Variants in ENO2 observed in about 807,000 individuals in gnomAD.
ENO2 encodes the protein enolase 2, also known as gamma-enolase.
ENO2 carries 19 observed loss-of-function variants against 48.7 expected under a neutral mutation model. That is an observed-to-expected ratio of 0.39 (90% CI 0.27 to 0.57). ENO2 has a LOEUF of 0.57. Ranked by LOEUF, ENO2 falls within the 20% of genes least tolerant of loss-of-function variation. The pLI, the probability that ENO2 is intolerant of heterozygous loss-of-function variation, is 0.58. For missense variants in ENO2, 416 were observed against 555.0 expected (o/e 0.75, Z 2.52); for synonymous variants, 198 against 213.4 (o/e 0.93, Z 0.63).
chr12:6,917,509 CTACA>C (rs1945302238), intron 5 of ENO2, 68 bp from the exon 6 acceptor site: 1 of 1,559,274 alleles, frequency 6.4e-7, no homozygotes, highest in Admixed American at 1.8e-5. Context: ...CTTTTGGAGA[CTACA>C]GATGGAGGCA....
rs1945357066 is a variant in ENO2, at chr12:6,923,097, G to T, written c.*297G>T. 4 of 370,346 alleles carry T rather than the reference G, an allele frequency of 1.1e-5. No individual in the cohort carries two copies. The highest frequency in any genetic ancestry group is 1.6e-5 in the Non-Finnish European group (3 of 193,232). The allele number at this position is 370,346 out of a possible 1,614,324, so 22.9% of individuals were successfully genotyped here. A position where few individuals can be genotyped will look rare whatever the true frequency, so the allele number is the denominator to read the frequency against. On this transcript the variant is annotated 3_prime_UTR_variant, in exon 12 of 12. Transcript: ENST00000229277. ...TTATTATAAAAGGGGGTCCGTGGAA[G>T]AATGATCAGCATCTGTGATGGGAGC...
chr12:6,917,369 G>T, intron 5 of ENO2: 1 of 722,894 alleles, frequency 1.4e-6, no homozygotes, highest in African/African-American at 1.8e-5. Context: ...TTAGAAAGAG[G>T]TGTGGCTCTC....
intron 9 of ENO2, 91 bp downstream of exon 9, chr12:6,921,873 A>C (rs1945344366): frequency 6.4e-7 from 1 of 1,553,184 alleles, no homozygotes; most frequent in Admixed American, 1.9e-5. Context: ...CAGGGGTGCC[A>C]AAGAGAGCGG....
chr12:6,918,523 T>G (rs1445298501), intron 7 of ENO2, among the ~76,000 whole-genome samples: 6 of 151,480 alleles, frequency 4.0e-5, no homozygotes, highest in South Asian at 2.1e-4. Flanking sequence ...GCTAATTTTT[T>G]GTATTTTTTA....
In ENO2 at chr12:6,918,976, C is replaced by T. The variant is rs375540330; in HGVS notation, c.668-590C>T. Among the ~76,000 whole-genome samples, 647 of 125,330 alleles carry T rather than the reference C, an allele frequency of 5.2e-3. 3 individuals are homozygous for T. Among genetic ancestry groups the T allele is most frequent in the African/African-American group, 0.021 (583 of 27,282 alleles). 82.2% of individuals were successfully genotyped at this position (125,330 alleles called of 152,430 possible). A position where few individuals can be genotyped will look rare whatever the true frequency, so the allele number is the denominator to read the frequency against. ...CAGCCTGGGCAACAGAGCGAGACTC[C>T]GTCTCAAAAAAAAAAAAAAAAAAAA... On this transcript the variant is annotated intron_variant, in intron 7 of 11. Coordinates refer to ENST00000229277, the MANE Select transcript of ENO2 (RefSeq NM_001975.3).
intron 1 of ENO2, 132 bp from the exon 2 acceptor site, chr12:6,915,689 T>TC: frequency 8.3e-6 from 4 of 481,024 alleles, no homozygotes; most frequent in East Asian, 3.9e-5. Flanking sequence ...AGCCAGCGCC[T>TC]CCCTACCCAC....
Position 6,916,998 on chromosome 12 carries a change from C to T in ENO2, c.241-40C>T. On this transcript the variant is annotated intron_variant, in intron 4 of 11. Coordinates refer to ENST00000229277, the MANE Select transcript of ENO2 (RefSeq NM_001975.3). The surrounding 1 kb of genome is among the most constrained non-coding windows in gnomAD (Gnocchi z 4.5). ...GGGGACCCTCTGCCTTAGGGCTCAG[C>T]CTCCAGCCTGGCCCTGGGTGATGGA... 1 of 1,612,914 alleles carries T rather than the reference C, an allele frequency of 6.2e-7. No homozygotes were observed. Among genetic ancestry groups the T allele is most frequent in the Non-Finnish European group, 8.5e-7 (1 of 1,179,266 alleles).
At position 6,916,672 on chromosome 12, in the gene ENO2, T is replaced by C. The variant is rs782364280; in HGVS notation, c.183T>C (p.Gly61=). The C allele has an allele frequency of 6.2e-7, 1 of 1,614,008 alleles. No individual in the cohort carries two copies. Among genetic ancestry groups the C allele is most frequent in the Non-Finnish European group, 8.5e-7 (1 of 1,180,018 alleles). ...AGTCCAGCCTCTTCCTTTCCCCAGG[T>C]GTCCTGAAGGCAGTGGACCACATCA... The part of the protein sequence containing the change: ...DGDKQRYLGK[G]VLKAVDHINS... The change falls in exon 4 of 12, where the codon GGT becomes GGC. Residue 61 remains glycine, a splice_region_variant and synonymous_variant. Transcript: ENST00000229277. The surrounding 1 kb of genome is among the most constrained non-coding windows in gnomAD (Gnocchi z 4.5).
At chr12:6,917,155 G>A (rs184095556) in intron 5 of ENO2, 48 bp downstream of exon 5, 35 of 1,609,096 alleles carry the variant, frequency 2.2e-5, no homozygotes, top group South Asian at 1.9e-4. Context: ...GTGGGGAGGC[G>A]TGGAGCAGAT....
intron 8 of ENO2, 104 bp downstream of exon 8, chr12:6,919,867 C>T: frequency 7.9e-7 from 1 of 1,264,398 alleles, no homozygotes; most frequent in Non-Finnish European, 1.1e-6. Context: ...GTGGGGGTGT[C>T]CTAAGAAGAA....
Position 6,922,835 on chromosome 12 carries a change from CT to C in ENO2, c.*36del, listed in dbSNP as rs1945353830. 2.5e-6 allele frequency: 4 copies of C among 1,609,724 alleles called. No individual in the cohort carries two copies. The highest frequency in any genetic ancestry group is 3.4e-6 in the Non-Finnish European group (4 of 1,176,308). On this transcript the variant is annotated 3_prime_UTR_variant, in exon 12 of 12. Coordinates refer to ENST00000229277, the MANE Select transcript of ENO2 (RefSeq NM_001975.3). This position sits in a 1 kb window ranked among gnomAD's most constrained non-coding sequence, Gnocchi z 5.3. The stretch of plus-strand genomic sequence containing the variant: ...TTGCCTGGAGACGTGGAACCTCTGT[CT>C]CATCCTCCTGGAACCTTGCTGTCCT...
chr12:6,922,820 A>ACGTGGAACCTCTGTCTCATCCT lies in ENO2; in HGVS notation c.*22_*43dup, dbSNP rs1555142266. 2 of 1,613,274 alleles carry ACGTGGAACCTCTGTCTCATCCT rather than the reference A, an allele frequency of 1.2e-6. No individual in the cohort carries two copies. Among genetic ancestry groups the ACGTGGAACCTCTGTCTCATCCT allele is most frequent in the Non-Finnish European group, 1.7e-6 (2 of 1,179,570 alleles). On this transcript the variant is annotated 3_prime_UTR_variant, in exon 12 of 12. Transcript: ENST00000229277. The surrounding 1 kb of genome is among the most constrained non-coding windows in gnomAD (Gnocchi z 5.3). ...CTGTGATTCCTCTGCTTGCCTGGAG[A>ACGTGGAACCTCTGTCTCATCCT]CGTGGAACCTCTGTCTCATCCTCCT... is the stretch of plus-strand genomic sequence containing the variant.
Position 6,916,435 on chromosome 12 carries a change from T to C in ENO2, c.104T>C (p.Val35Ala). The change falls in exon 3 of 12, where the codon GTG becomes GCG. Residue 35 changes from valine (V) to alanine (A), a missense_variant. Physicochemically the swap from Val to Ala is moderately conservative, Grantham distance 64 (BLOSUM62 0). Transcript: ENST00000229277. This position sits in a 1 kb window ranked among gnomAD's most constrained non-coding sequence, Gnocchi z 4.5. ...YTAKGLFRAA[V>A]PSGASTGIYE... Reference sequence around the variant, plus strand: ...CCTTTAGGTCTTTTCCGGGCTGCAGTGCCCAGTGGAGCCTCTACGGGCATC... The same window carrying C: ...CCTTTAGGTCTTTTCCGGGCTGCAGCGCCCAGTGGAGCCTCTACGGGCATC... The C allele has an allele frequency of 6.2e-7, 1 of 1,610,740 alleles. No individual in the cohort carries two copies. The highest frequency in any genetic ancestry group is 8.5e-7 in the Non-Finnish European group (1 of 1,178,312).
At position 6,919,592 on chromosome 12, in the gene ENO2, G is replaced by A. The variant is rs782101405; in HGVS notation, c.694G>A (p.Asp232Asn). ...EALELVKEAIDKAGYTEKIVI... is the reference protein window; with the variant it reads ...EALELVKEAINKAGYTEKIVI... ...CTTGGAGCTGGTGAAGGAAGCCATC[G>A]ACAAGGCTGGCTACACGGAAAAGAT... Residue 232 changes from aspartate (D) to asparagine (N), a missense_variant, in exon 8 of 12, where the codon GAC becomes AAC. Coordinates refer to ENST00000229277, the MANE Select transcript of ENO2 (RefSeq NM_001975.3). 4.3e-6 allele frequency: 7 copies of A among 1,614,104 alleles called. No homozygotes were observed. The highest frequency in any genetic ancestry group is 2.7e-5 in the African/African-American group (2 of 75,022).
chr12:6,914,607 TCGCCAC>T lies in ENO2; in HGVS notation c.-46_-41del, dbSNP rs782526261. ...CACTCCCGCTCTCTCAGCGCCGCCG[TCGCCAC>T]CGCCACCGCCACCGCCACTACCACC... On this transcript the variant is annotated 5_prime_UTR_variant, in exon 1 of 12. Transcript: ENST00000229277. This position sits in a 1 kb window ranked among gnomAD's most constrained non-coding sequence, Gnocchi z 7.1. 8 of 169,624 alleles carry T rather than the reference TCGCCAC, an allele frequency of 4.7e-5. No homozygotes were observed. The highest frequency in any genetic ancestry group is 6.5e-5 in the Admixed American group (1 of 15,344). The allele number at this position is 169,624 out of a possible 1,614,324, so 10.5% of individuals were successfully genotyped here.
At chr12:6,917,265 A>C in intron 5 of ENO2, 158 bp downstream of exon 5, 1 of 924,258 alleles carries the variant, frequency 1.1e-6, no homozygotes, top group South Asian at 1.6e-5. Context: ...GTTTAGCTGC[A>C]GAGGGAAGGA....
intron 5 of ENO2, chr12:6,917,369 G>A: frequency 1.4e-6 from 1 of 722,894 alleles, no homozygotes; most frequent in South Asian, 1.9e-5. Context: ...TTAGAAAGAG[G>A]TGTGGCTCTC....
rs781806009 is a variant in ENO2, at chr12:6,916,168, G to A, written c.86-249G>A. ...CCTGTGCACTTGCATGTGTGCAGAC[G>A]TGTGCTGCAAGCAATTTTCTTTCTG... On this transcript the variant is annotated intron_variant, in intron 2 of 11. Coordinates refer to ENST00000229277, the MANE Select transcript of ENO2 (RefSeq NM_001975.3). The surrounding 1 kb of genome is among the most constrained non-coding windows in gnomAD (Gnocchi z 4.5). Among the ~76,000 whole-genome samples, 2 of 152,000 alleles carry A rather than the reference G, an allele frequency of 1.3e-5. No individual in the cohort carries two copies. The highest frequency in any genetic ancestry group is 1.3e-4 in the Admixed American group (2 of 15,258).
In ENO2 at chr12:6,916,978, C is replaced by T. The variant is rs1555141655; in HGVS notation, c.241-60C>T. Reference sequence around the variant, plus strand: ...GTGAGCTTGGGTGTGAATGAGGGGACCCTCTGCCTTAGGGCTCAGCCTCCA... The same window carrying T: ...GTGAGCTTGGGTGTGAATGAGGGGATCCTCTGCCTTAGGGCTCAGCCTCCA... On this transcript the variant is annotated intron_variant, in intron 4 of 11. Transcript: ENST00000229277. This position sits in a 1 kb window ranked among gnomAD's most constrained non-coding sequence, Gnocchi z 4.5. 1.2e-6 allele frequency: 2 copies of T among 1,606,110 alleles called. No individual in the cohort carries two copies. Among genetic ancestry groups the T allele is most frequent in the African/African-American group, 1.3e-5 (1 of 74,734 alleles).
Sources: gnomAD v4.1 joint callset for allele counts (sites outside exome capture counted in the v4.1 genomes callset) on GRCh38, gnomAD v4.1.1 for gene constraint, Gnocchi (gnomAD v3.1) non-coding constraint, MANE v1.5 for transcripts, NCBI Gene and HGNC (gene_info 2026-07-23, HGNC 2026-07-21) for gene names.